Variants in IL20RA observed in about 807,000 individuals in gnomAD.
IL20RA encodes interleukin 20 receptor subunit alpha, also known as interleukin-20 receptor subunit alpha.
In IL20RA, 29 loss-of-function variants were observed where a neutral mutation model predicts 36.5. The observed-to-expected ratio is 0.79, with a 90% confidence interval of 0.59 to 1.08. The LOEUF (loss-of-function observed/expected upper bound fraction) is 1.08, where lower values mean the gene tolerates loss of function less well. Among genes scored for constraint, IL20RA ranks in the 50% least tolerant of loss-of-function variants. The pLI is 0.00. For missense variants in IL20RA, 652 were observed against 668.4 expected (o/e 0.98, Z 0.27); for synonymous variants, 279 against 267.1 (o/e 1.04, Z -0.43).
intron 1 of IL20RA, among the ~76,000 whole-genome samples, chr6:137,037,676 A>G (rs1776536359): frequency 6.6e-6 from 1 of 152,174 alleles, no homozygotes; most frequent in South Asian, 2.1e-4. Flanking sequence ...CAGTCTCATC[A>G]TGATCTATAG....
At chr6:137,039,415 G>C (rs549236543) in intron 1 of IL20RA, among the ~76,000 whole-genome samples, 2 of 152,258 alleles carry the variant, frequency 1.3e-5, no homozygotes, top group Admixed American at 1.3e-4. Flanking sequence ...CCCCAAGTCT[G>C]CTTGAAGGGC....
chr6:137,041,815 A>AAC (rs145685006), intron 1 of IL20RA, among the ~76,000 whole-genome samples: 12 of 149,186 alleles, frequency 8.0e-5, no homozygotes, highest in Middle Eastern at 7.0e-3. Flanking sequence ...TTTTTTTTTA[A>AAC]ATATATATAT....
At chr6:137,020,874 G>C (rs1422789304) in intron 1 of IL20RA, among the ~76,000 whole-genome samples, 1 of 152,136 alleles carries the variant, frequency 6.6e-6, no homozygotes, top group Non-Finnish European at 1.5e-5. Flanking sequence ...TCTGATGGCA[G>C]AGGCAGAAAA....
chr6:137,025,067 C>T (rs1197965006), intron 1 of IL20RA, among the ~76,000 whole-genome samples: 1 of 152,212 alleles, frequency 6.6e-6, no homozygotes, highest in Non-Finnish European at 1.5e-5. Flanking sequence ...TGATTGATTT[C>T]CTGTAGCTTG....
At chr6:137,027,302 G>A (rs575641060) in intron 1 of IL20RA, among the ~76,000 whole-genome samples, 4 of 152,338 alleles carry the variant, frequency 2.6e-5, no homozygotes, top group South Asian at 4.1e-4. Context: ...CATTAGTTCC[G>A]TTGCACTTGA....
chr6:137,009,492 G>A lies in IL20RA; in HGVS notation c.404C>T (p.Thr135Ile). The A allele has an allele frequency of 6.3e-7, 1 of 1,596,658 alleles. No homozygotes were observed. Among genetic ancestry groups the A allele is most frequent in the Non-Finnish European group, 8.6e-7 (1 of 1,164,788 alleles). The change falls in exon 4 of 7, where the codon ACA becomes ATA. Residue 135 changes from threonine to isoleucine, a missense_variant and splice_region_variant. Coordinates refer to ENST00000316649, the MANE Select transcript of IL20RA (RefSeq NM_014432.4). ...TGCCACCTCTGGTGGGCCAATTTGT[G>A]CTTAAAGGGGGAGAAAGAGGGTATT... ...ESGRFYPFLE[T>I]QIGPPEVALT...
At chr6:137,022,884 G>C (rs1467870066) in intron 1 of IL20RA, among the ~76,000 whole-genome samples, 1 of 152,216 alleles carries the variant, frequency 6.6e-6, no homozygotes, top group Non-Finnish European at 1.5e-5. Context: ...CCAGGAGTTG[G>C]AAGAAGCAAG....
chr6:137,003,712 G>A (rs1775163774), intron 6 of IL20RA, among the ~76,000 whole-genome samples: 1 of 152,170 alleles, frequency 6.6e-6, no homozygotes, highest in Non-Finnish European at 1.5e-5. Flanking sequence ...ATGAGGCCTA[G>A]CTCCTTAGAA....
chr6:137,044,590 C>T (rs1776830701), intron 1 of IL20RA, 51 bp downstream of exon 1: 2 of 1,216,310 alleles, frequency 1.6e-6, no homozygotes, highest in Admixed American at 4.3e-5. Context: ...CCTGGCGGGG[C>T]CCCGGCCTGG....
At chr6:137,028,287 G>A (rs1007353886) in intron 1 of IL20RA, among the ~76,000 whole-genome samples, 10 of 151,992 alleles carry the variant, frequency 6.6e-5, no homozygotes, top group Non-Finnish European at 1.2e-4. Context: ...GCATGGTGGC[G>A]TGCCCCTGTA....
chr6:137,011,149 C>A, intron 3 of IL20RA, 125 bp downstream of exon 3: 1 of 684,386 alleles, frequency 1.5e-6, no homozygotes, highest in Non-Finnish European at 2.4e-6. Context: ...CTCACTCAAC[C>A]CACTGGTCCA....
At chr6:137,004,477 A>G in intron 6 of IL20RA, 144 bp downstream of exon 6, 2 of 864,522 alleles carry the variant, frequency 2.3e-6, no homozygotes, top group Admixed American at 4.7e-5. Context: ...TGCCCAGCCC[A>G]GAAACTGTTT....
At chr6:137,004,862 A>G (rs1460420480) in intron 5 of IL20RA, 102 bp from the exon 6 acceptor site, 1 of 1,083,286 alleles carries the variant, frequency 9.2e-7, no homozygotes, top group African/African-American at 1.6e-5. Flanking sequence ...GCTTCTGTGC[A>G]GATCACTTAC....
At chr6:137,021,169 T>A (rs1384351126) in intron 1 of IL20RA, among the ~76,000 whole-genome samples, 1 of 152,094 alleles carries the variant, frequency 6.6e-6, no homozygotes, top group Admixed American at 6.6e-5. Context: ...GCTTATAAAT[T>A]GCTGTGGATT....
At position 137,020,779 on chromosome 6, in the gene IL20RA, A is replaced by G. The variant is rs938715758; in HGVS notation, c.89-3676T>C. ...TTAACAGAAATCCACTTAAAAATGA[A>G]TGTTATATTTTGTACACTGCATCTG... On this transcript the variant is annotated intron_variant, in intron 1 of 6. Transcript: ENST00000316649. Among the ~76,000 whole-genome samples the G allele has an allele frequency of 3.9e-5, 6 of 152,222 alleles. No homozygotes were observed. The East Asian group carries it at 9.6e-4, about 24-fold the overall frequency.
At chr6:137,037,300 A>G (rs1582841632) in intron 1 of IL20RA, among the ~76,000 whole-genome samples, 1 of 152,296 alleles carries the variant, frequency 6.6e-6, no homozygotes, top group Non-Finnish European at 1.5e-5. Flanking sequence ...GCTACCCTCA[A>G]AAAACAGACC....
Position 137,009,067 on chromosome 6 carries a change from A to T in IL20RA, c.579+250T>A. ...ACTGTGCAAGTGAAAGCTCTTCATC[A>T]AAGTGAAGTGTACAATCTCTCTACA... On this transcript the variant is annotated intron_variant, in intron 4 of 6. Coordinates refer to ENST00000316649, the MANE Select transcript of IL20RA (RefSeq NM_014432.4). 8 of 580,786 alleles carry T rather than the reference A, an allele frequency of 1.4e-5. No individual in the cohort carries two copies. In the South Asian group the frequency reaches 1.9e-4, roughly 14 times the overall value. The allele number at this position is 580,786 out of a possible 1,614,324, so 36.0% of individuals were successfully genotyped here.
intron 2 of IL20RA, among the ~76,000 whole-genome samples, chr6:137,015,020 C>T (rs1775630615): frequency 6.6e-6 from 1 of 152,190 alleles, no homozygotes; most frequent in Non-Finnish European, 1.5e-5. Context: ...GTCTTTTCCT[C>T]ACAAGATATA....
chr6:137,011,560 AAAAC>A, intron 2 of IL20RA, 108 bp from the exon 3 acceptor site: 1 of 693,310 alleles, frequency 1.4e-6, no homozygotes, highest in Non-Finnish European at 2.2e-6. Flanking sequence ...TCTCTTCAGA[AAAAC>A]AAAAGTGCCT....
Sources: allele counts gnomAD v4.1 joint callset (sites outside exome capture counted in the v4.1 genomes callset), GRCh38; gene constraint gnomAD v4.1.1; transcripts MANE v1.5; gene names NCBI Gene and HGNC (gene_info 2026-07-23, HGNC 2026-07-21).